ANKRD26: variants seen among roughly 807,000 people sequenced by gnomAD.
ANKRD26 encodes ankyrin repeat domain 26, also known as ankyrin repeat domain-containing protein 26.
ANKRD26 carries 141 observed loss-of-function variants against 208.7 expected under a neutral mutation model. The observed-to-expected ratio is 0.68, with a 90% CI of 0.59 to 0.78. The LOEUF is 0.78. ANKRD26 is among the 30% of genes least tolerant of loss of function. The pLI is 0.00. For synonymous variants in ANKRD26, 636 were observed against 660.4 expected (o/e 0.96, Z 0.57); for missense variants, 1,889 against 1,938.7 (o/e 0.97, Z 0.48).
intron 4 of ANKRD26, among the ~76,000 whole-genome samples, chr10:27,091,983 GTA>G (rs1491243285): frequency 2.2e-5 from 3 of 138,756 alleles, no homozygotes; most frequent in African/African-American, 9.2e-5. Flanking sequence ...GAGACTCCAT[GTA>G]AAAAAAAAAA....
At chr10:27,048,099 T>C (rs367594653) in intron 17 of ANKRD26, among the ~76,000 whole-genome samples, 2 of 152,144 alleles carry the variant, frequency 1.3e-5, no homozygotes, top group African/African-American at 4.8e-5. Flanking sequence ...CATATACCTA[T>C]ATAATTTACA....
At chr10:27,093,634 A>G in intron 2 of ANKRD26, 51 bp downstream of exon 2, 1 of 1,597,356 alleles carries the variant, frequency 6.3e-7, no homozygotes, top group Non-Finnish European at 8.6e-7. Flanking sequence ...TTTTCATTCT[A>G]TGTATTTAAG....
intron 18 of ANKRD26, among the ~76,000 whole-genome samples, chr10:27,044,427 A>G (rs1396603903): frequency 6.6e-6 from 1 of 152,290 alleles, no homozygotes; most frequent in East Asian, 1.9e-4. Context: ...TAACAATATC[A>G]TAACAAACAA....
chr10:27,072,382 C>A (rs2055535815), intron 9 of ANKRD26, among the ~76,000 whole-genome samples: 1 of 152,222 alleles, frequency 6.6e-6, no homozygotes, highest in African/African-American at 2.4e-5. Flanking sequence ...ACTCTAGCAG[C>A]CAGGGAACTG....
chr10:27,032,968 G>A (rs575804099), intron 25 of ANKRD26, among the ~76,000 whole-genome samples: 5 of 151,052 alleles, frequency 3.3e-5, no homozygotes, highest in Admixed American at 6.6e-5. Flanking sequence ...CCAGCTACTC[G>A]GGAGGCTGAG....
chr10:27,051,118 C>T (rs1160929450), intron 16 of ANKRD26: 2 of 1,289,662 alleles, frequency 1.6e-6, no homozygotes, highest in South Asian at 1.2e-5. Flanking sequence ...TTTAACATGC[C>T]TATCTCATTT....
chr10:26,956,625 G>A, the ANKRD26 span, among the ~76,000 whole-genome samples: 1 of 151,126 alleles, frequency 6.6e-6, no homozygotes, highest in African/African-American at 2.4e-5. Context: ...GAGTGAGCTT[G>A]TGTCTCAAAA....
intron 31 of ANKRD26, among the ~76,000 whole-genome samples, chr10:27,014,083 T>C (rs1432458547): frequency 1.3e-5 from 2 of 152,180 alleles, no homozygotes. Context: ...AGTGCCAGAA[T>C]GTGCAGAGTA....
intron 30 of ANKRD26, among the ~76,000 whole-genome samples, chr10:27,014,945 T>C (rs1363483113): frequency 6.6e-6 from 1 of 152,174 alleles, no homozygotes; most frequent in Admixed American, 6.5e-5. Context: ...AGAAGCATTT[T>C]CATCCTTGAT....
At chr10:27,010,155 A>T (rs934027039) in intron 32 of ANKRD26, among the ~76,000 whole-genome samples, 6 of 152,170 alleles carry the variant, frequency 3.9e-5, no homozygotes, top group Non-Finnish European at 7.3e-5. Context: ...TTTCAAAAAA[A>T]TTTTTTTAAT....
intron 15 of ANKRD26, 58 bp from the exon 16 acceptor site, chr10:27,053,448 A>G: frequency 9.0e-7 from 1 of 1,112,012 alleles, no homozygotes; most frequent in Non-Finnish European, 1.3e-6. Flanking sequence ...GGTAAAAGGT[A>G]TAGTCTTTAC....
intron 27 of ANKRD26, among the ~76,000 whole-genome samples, chr10:27,025,162 CTT>C (rs1375382180): frequency 1.2e-5 from 1 of 81,802 alleles, no homozygotes; most frequent in South Asian, 6.2e-4. Context: ...ATTGGACTCT[CTT>C]TTTTGTTTGT....
chr10:27,059,852 G>A (rs1275091476), intron 15 of ANKRD26, among the ~76,000 whole-genome samples: 1 of 151,238 alleles, frequency 6.6e-6, no homozygotes, highest in African/African-American at 2.4e-5. Flanking sequence ...CCGAGATCAT[G>A]CCACTGCACT....
chr10:26,981,936 C>T (rs1234547339), intron 4 of ANKRD26, among the ~76,000 whole-genome samples: 1 of 152,168 alleles, frequency 6.6e-6, no homozygotes, highest in East Asian at 1.9e-4. Context: ...AATTATGTTC[C>T]TCTGAAGAAA....
chr10:27,043,269 T>C (rs1338114608), intron 20 of ANKRD26, among the ~76,000 whole-genome samples, 157 bp downstream of exon 20: 1 of 151,580 alleles, frequency 6.6e-6, no homozygotes, highest in East Asian at 1.9e-4. Context: ...ATATCAAGAA[T>C]ATATCATATA....
intron 1 of ANKRD26, among the ~76,000 whole-genome samples, chr10:27,095,231 G>T (rs11015522): frequency 0.5 from 75,652 of 152,052 alleles, 21,612 homozygotes; most frequent in Non-Finnish European, 0.65. Flanking sequence ...AAATGAATAG[G>T]TTGGCTCATT....
chr10:27,092,512 C>T lies in ANKRD26; in HGVS notation c.532G>A (p.Asp178Asn). Reference protein sequence around the residue: ...YDANIEAKNKDDLTPLLLAVS... With the variant: ...YDANIEAKNKNDLTPLLLAVS... ...GCAAGTAAAAGTGGTGTGAGGTCATCCTGTAAGACAGCAAAAACAAGTTAA... is the reference window on the plus strand; with the variant it reads ...GCAAGTAAAAGTGGTGTGAGGTCATTCTGTAAGACAGCAAAAACAAGTTAA... Residue 178 changes from aspartate to asparagine, a missense_variant and splice_region_variant, in exon 4 of 34, where the codon GAT becomes AAT. Asp to Asn is a conservative substitution (Grantham distance 23, BLOSUM62 1). Around this residue, in one of 3 missense-constraint regions of ANKRD26, gnomAD observed 1,272 missense variants for 1,273.8 expected, o/e 1.00. Coordinates refer to ENST00000376087, the MANE Select transcript of ANKRD26 (RefSeq NM_014915.3). 6.2e-7 allele frequency: 1 copy of T among 1,610,356 alleles called. No individual in the cohort carries two copies. Among genetic ancestry groups the T allele is most frequent in the Non-Finnish European group, 8.5e-7 (1 of 1,177,366 alleles).
chr10:26,976,644 G>T (rs1377177101), intron 5 of ANKRD26, among the ~76,000 whole-genome samples: 1 of 151,850 alleles, frequency 6.6e-6, no homozygotes, highest in Admixed American at 6.5e-5. Context: ...TTTGTTTGTA[G>T]CACTTCATAT....
In ANKRD26 at chr10:27,040,130, C is replaced by A. The variant is rs201688627; in HGVS notation, c.2210G>T (p.Arg737Ile). 127 of 1,612,988 alleles carry A rather than the reference C, an allele frequency of 7.9e-5. No homozygotes were observed. Among genetic ancestry groups the A allele is most frequent in the African/African-American group, 1.1e-4 (8 of 74,964 alleles). ...GTGATTTTTTTTAAGTTCTAATAAT[C>A]TTTCACATGAAAGAGCTGCATCCTG... Reference protein sequence around the residue: ...KIQDAALSCERLLELKKNHCE... With the variant: ...KIQDAALSCEILLELKKNHCE... Residue 737 changes from arginine to isoleucine, a missense_variant, in exon 21 of 34, where the codon AGA becomes ATA. By Grantham distance (97) the Arg-to-Ile change is moderately conservative (BLOSUM62 -3). Around this residue, in one of 3 missense-constraint regions of ANKRD26, gnomAD observed 1,272 missense variants for 1,273.8 expected, o/e 1.00. Transcript: ENST00000376087.
Sources: gnomAD v4.1 joint callset for allele counts (sites outside exome capture counted in the v4.1 genomes callset) on GRCh38, gnomAD v4.1.1 for gene constraint, gnomAD v4.1.1 regional missense constraint, MANE v1.5 for transcripts, NCBI Gene and HGNC (gene_info 2026-07-23, HGNC 2026-07-21) for gene names.